The following HHAT variants were observed in gnomAD, a reference collection of about 807,000 sequenced individuals.
HHAT encodes the protein hedgehog acyltransferase, also known as protein-cysteine N-palmitoyltransferase HHAT.
Under a neutral mutation model 70.8 loss-of-function variants are expected in HHAT, and 47 were observed. The ratio of observed to expected loss-of-function variants is 0.66; its 90% confidence interval spans 0.53 to 0.85. HHAT has a LOEUF of 0.85. HHAT is among the 40% of genes least tolerant of loss of function. The pLI, the probability that HHAT is intolerant of heterozygous loss-of-function variation, is 0.00. For synonymous variants in HHAT, 228 were observed against 247.6 expected (o/e 0.92, Z 0.74); for missense variants, 609 against 604.8 (o/e 1.01, Z -0.07).
chr1:210,421,702 CCCAAATTGCTGGGATTACAGCTATGAG>C (rs1476834020), intron 7 of HHAT, among the ~76,000 whole-genome samples: 3 of 152,204 alleles, frequency 2.0e-5, no homozygotes, highest in African/African-American at 7.2e-5. Flanking sequence ...ACCTCGGCCT[CCCAAATTGCTGGGATTACAGCTATGAG>C]CCACTGTGCC....
At chr1:210,437,232 G>A (rs1558514422) in intron 7 of HHAT, among the ~76,000 whole-genome samples, 1 of 151,858 alleles carries the variant, frequency 6.6e-6, no homozygotes, top group Non-Finnish European at 1.5e-5. Flanking sequence ...TGAATGATGG[G>A]ATAAGACTAG....
intron 7 of HHAT, among the ~76,000 whole-genome samples, chr1:210,443,265 A>T (rs1200735420): frequency 2.0e-5 from 3 of 151,824 alleles, no homozygotes; most frequent in Non-Finnish European, 4.4e-5. Flanking sequence ...GTATAGTTTG[A>T]GGTCAGGTAG....
intron 10 of HHAT, among the ~76,000 whole-genome samples, chr1:210,593,961 A>G (rs1662346526): frequency 6.6e-6 from 1 of 151,932 alleles, no homozygotes; most frequent in South Asian, 2.1e-4. Flanking sequence ...CTTGAAATCT[A>G]TTTTGTCTGA....
At chr1:210,659,242 G>C (rs1054309913) in intron 11 of HHAT, among the ~76,000 whole-genome samples, 1 of 152,152 alleles carries the variant, frequency 6.6e-6, no homozygotes, top group African/African-American at 2.4e-5. Context: ...AATAACAAAT[G>C]ATAAAGGGGA....
At chr1:210,389,428 C>T (rs12124675) in intron 4 of HHAT, among the ~76,000 whole-genome samples, 62,793 of 152,018 alleles carry the variant, frequency 0.41, 13,368 homozygotes, top group Non-Finnish European at 0.44. Flanking sequence ...CATGGTTTGG[C>T]TCTGTGTCCC....
intron 3 of HHAT, among the ~76,000 whole-genome samples, chr1:210,375,445 A>T (rs2090112633): frequency 6.6e-6 from 1 of 151,854 alleles, no homozygotes; most frequent in Admixed American, 6.6e-5. Context: ...CTTTCTTTTG[A>T]TTCATGTATG....
chr1:210,405,891 A>G (rs538053245), intron 6 of HHAT, among the ~76,000 whole-genome samples: 2 of 152,318 alleles, frequency 1.3e-5, no homozygotes, highest in South Asian at 4.1e-4. Flanking sequence ...TGTGTTTAAA[A>G]TTATTGTGTA....
chr1:210,449,620 T>C (rs974154249), intron 7 of HHAT, among the ~76,000 whole-genome samples: 9 of 152,232 alleles, frequency 5.9e-5, no homozygotes, highest in African/African-American at 1.2e-4. Flanking sequence ...CCTTCATGGC[T>C]GTAATGAATT....
At chr1:210,377,509 A>G (rs2090320300) in intron 3 of HHAT, among the ~76,000 whole-genome samples, 1 of 152,132 alleles carries the variant, frequency 6.6e-6, no homozygotes, top group South Asian at 2.1e-4. Context: ...GAGCAGGGAG[A>G]CAGAATCTAT....
intron 9 of HHAT, among the ~76,000 whole-genome samples, chr1:210,558,939 G>A (rs1311687222): frequency 6.6e-6 from 1 of 152,164 alleles, no homozygotes; most frequent in Admixed American, 6.5e-5. Flanking sequence ...TGAGGAGACT[G>A]TGCTTCTAAA....
intron 9 of HHAT, among the ~76,000 whole-genome samples, chr1:210,519,864 C>A (rs1199138460): frequency 1.5e-5 from 2 of 134,212 alleles, no homozygotes; most frequent in Non-Finnish European, 3.2e-5. Context: ...AATAGCTATT[C>A]CAACTGGGGT....
At chr1:210,516,466 C>T (rs925008263) in intron 9 of HHAT, among the ~76,000 whole-genome samples, 5 of 152,056 alleles carry the variant, frequency 3.3e-5, no homozygotes, top group Non-Finnish European at 5.9e-5. Flanking sequence ...CCCTTAGTAA[C>T]CTCAGACAGC....
intron 9 of HHAT, among the ~76,000 whole-genome samples, chr1:210,586,845 A>G (rs908598893): frequency 9.2e-5 from 14 of 152,228 alleles, no homozygotes; most frequent in African/African-American, 3.4e-4. Context: ...CAAGCAGGAA[A>G]TTACTGATTG....
chr1:210,373,790 A>G (rs542631433), intron 3 of HHAT, among the ~76,000 whole-genome samples: 5 of 152,386 alleles, frequency 3.3e-5, no homozygotes, highest in Admixed American at 1.3e-4. Context: ...GATAGATAAT[A>G]GAATGTTATC....
chr1:210,671,345 G>C (rs1680040658), intron 11 of HHAT, among the ~76,000 whole-genome samples: 7 of 152,148 alleles, frequency 4.6e-5, no homozygotes, highest in Admixed American at 4.6e-4. Flanking sequence ...CGGTCCCCTG[G>C]CATCTGTGCC....
chr1:210,569,910 T>C lies in HHAT; in HGVS notation c.1044-17988T>C, dbSNP rs144660993. On this transcript the variant is annotated intron_variant, in intron 9 of 11. Transcript: ENST00000261458. The stretch of plus-strand genomic sequence containing the variant: ...ACTGACTGCCCCAGGCAAGCACAGA[T>C]GTTTCAATCCCTCTTTATATTATCC... Among the ~76,000 whole-genome samples, 122 of 152,312 alleles carry C rather than the reference T, an allele frequency of 8.0e-4. 2 individuals carry two copies. In the East Asian group the frequency reaches 0.023, roughly 28 times the overall value.
At chr1:210,493,309 A>G (rs780819693) in intron 8 of HHAT, among the ~76,000 whole-genome samples, 1 of 152,146 alleles carries the variant, frequency 6.6e-6, no homozygotes, top group Non-Finnish European at 1.5e-5. Flanking sequence ...GGCAAATTCA[A>G]ACTCTGCAGG....
chr1:210,653,529 C>CA (rs35279362), intron 11 of HHAT, among the ~76,000 whole-genome samples: 44,999 of 119,860 alleles, frequency 0.38, 7,559 homozygotes, highest in Non-Finnish European at 0.43. Flanking sequence ...GACCCTGTCT[C>CA]AAAAAAAAAA....
At chr1:210,423,145 A>G (rs1185225574) in intron 7 of HHAT, among the ~76,000 whole-genome samples, 2 of 152,194 alleles carry the variant, frequency 1.3e-5, no homozygotes, top group Non-Finnish European at 2.9e-5. Flanking sequence ...GGACTTCCAT[A>G]CTGTTCCCCA....
Sources: gnomAD v4.1 joint callset for allele counts (sites outside exome capture counted in the v4.1 genomes callset) on GRCh38, gnomAD v4.1.1 for gene constraint, MANE v1.5 for transcripts, NCBI Gene and HGNC (gene_info 2026-07-23, HGNC 2026-07-21) for gene names.